SGO2: variants seen among roughly 807,000 people sequenced by gnomAD.
SGO2 encodes shugoshin-like 2.
In SGO2, 68 loss-of-function variants were observed where a neutral mutation model predicts 99.5. That is an observed-to-expected ratio of 0.68 (90% confidence interval 0.56 to 0.84). The LOEUF (loss-of-function observed/expected upper bound fraction) is 0.84, where lower values mean the gene tolerates loss of function less well. Ranked by LOEUF, SGO2 falls within the 40% of genes least tolerant of loss-of-function variation. The pLI, the probability that SGO2 is intolerant of heterozygous loss-of-function variation, is 0.00. For missense variants in SGO2, 1,350 were observed against 1,436.7 expected (o/e 0.94, Z 0.97); for synonymous variants, 457 against 487.1 (o/e 0.94, Z 0.81).
intron 4 of SGO2, among the ~76,000 whole-genome samples, chr2:200,538,773 T>C (rs2031822277): frequency 6.6e-6 from 1 of 152,206 alleles, no homozygotes; most frequent in African/African-American, 2.4e-5. Context: ...GATGATGATG[T>C]GGTCTTTTTA....
At chr2:200,548,111 C>G (rs1035860533) in intron 5 of SGO2, among the ~76,000 whole-genome samples, 10 of 147,976 alleles carry the variant, frequency 6.8e-5, no homozygotes, top group Non-Finnish European at 1.0e-4. Context: ...AACAAAGAAA[C>G]AGCATAAACT....
intron 5 of SGO2, among the ~76,000 whole-genome samples, chr2:200,545,142 G>A (rs139858720): frequency 5.9e-5 from 9 of 152,254 alleles, no homozygotes; most frequent in Non-Finnish European, 1.2e-4. Flanking sequence ...AAGTAGCTGG[G>A]ACTACAGGTG....
chr2:200,550,613 C>T (rs532131724), intron 5 of SGO2, among the ~76,000 whole-genome samples: 40 of 152,096 alleles, frequency 2.6e-4, no homozygotes, highest in Middle Eastern at 3.4e-3. Flanking sequence ...ATAAATAGTG[C>T]GGGAAAACTG....
chr2:200,537,976 T>A (rs2031769526), intron 4 of SGO2, among the ~76,000 whole-genome samples: 1 of 152,182 alleles, frequency 6.6e-6, no homozygotes, highest in African/African-American at 2.4e-5. Flanking sequence ...AAAATCAGTC[T>A]ACAATTCTAC....
At chr2:200,535,294 A>G in intron 3 of SGO2, 123 bp downstream of exon 3, 1 of 828,812 alleles carries the variant, frequency 1.2e-6, no homozygotes, top group South Asian at 2.3e-5. Flanking sequence ...AAGTCAGTAT[A>G]CCATGTAAGT....
intron 8 of SGO2, among the ~76,000 whole-genome samples, chr2:200,581,336 C>T (rs2033838746): frequency 6.6e-6 from 1 of 151,940 alleles, no homozygotes; most frequent in African/African-American, 2.4e-5. Flanking sequence ...CTACTGTGTC[C>T]TGTGTTTCCA....
Position 200,583,945 on chromosome 2 carries a change from C to T in SGO2, c.*481C>T, listed in dbSNP as rs1017060500. Among the ~76,000 whole-genome samples the T allele has an allele frequency of 6.6e-6, 1 of 152,156 alleles. No homozygotes were observed. Among genetic ancestry groups the T allele is most frequent in the African/African-American group, 2.4e-5 (1 of 41,412 alleles). On this transcript the variant is annotated 3_prime_UTR_variant, in exon 9 of 9. Transcript: ENST00000357799. Reference sequence around the variant, plus strand: ...GTTTTCAGAAATACATGTTGAATGTCAGCTTCTGTATTATTTCTATTATAT... The same window carrying T: ...GTTTTCAGAAATACATGTTGAATGTTAGCTTCTGTATTATTTCTATTATAT...
intron 5 of SGO2, among the ~76,000 whole-genome samples, chr2:200,566,267 C>A (rs1283168423): frequency 2.0e-5 from 3 of 151,986 alleles, no homozygotes; most frequent in African/African-American, 7.2e-5. Context: ...TGTCCTTTCT[C>A]TTTGTTAGTT....
intron 4 of SGO2, 128 bp from the exon 5 acceptor site, chr2:200,542,451 A>T: frequency 1.7e-6 from 1 of 590,364 alleles, no homozygotes; most frequent in Non-Finnish European, 2.9e-6. Flanking sequence ...TATTCTCATT[A>T]AATTATTAAA....
chr2:200,569,473 A>G (rs1034040153), intron 5 of SGO2, among the ~76,000 whole-genome samples, 190 bp from the exon 6 acceptor site: 1 of 152,090 alleles, frequency 6.6e-6, no homozygotes, highest in Non-Finnish European at 1.5e-5. Flanking sequence ...AGAAGCATTC[A>G]TGTTTCCTTC....
chr2:200,577,140 A>G (rs2033695271), intron 8 of SGO2, among the ~76,000 whole-genome samples: 1 of 151,928 alleles, frequency 6.6e-6, no homozygotes, highest in Admixed American at 6.6e-5. Flanking sequence ...ACCATTTTAC[A>G]TGCTTACCAA....
In SGO2 at chr2:200,569,788, C is replaced by T; in HGVS notation, c.599C>T (p.Thr200Ile). Residue 200 changes from threonine to isoleucine, a missense_variant, in exon 6 of 9, where the codon ACT becomes ATT. Transcript: ENST00000357799. ...SSGSTTQPLSTQDNSEVLFLK... is the reference protein window; with the variant it reads ...SSGSTTQPLSIQDNSEVLFLK... ...GGATCAACAACACAACCTTTATCAA[C>T]TCAGGATAATTCGGAAGTGTTATTT... 4 of 1,611,040 alleles carry T rather than the reference C, an allele frequency of 2.5e-6. No individual in the cohort carries two copies. The highest frequency in any genetic ancestry group is 3.4e-6 in the Non-Finnish European group (4 of 1,177,430).
chr2:200,528,985 A>G (rs2031234932), intron 1 of SGO2, among the ~76,000 whole-genome samples: 1 of 152,268 alleles, frequency 6.6e-6, no homozygotes, highest in East Asian at 1.9e-4. Context: ...TGACCACAGT[A>G]TTTGATTTAA....
rs781598636 is a variant in SGO2, at chr2:200,569,873, A to G, written c.684A>G (p.Ile228Met). ...ATGATTCAGAACATATTTCTTCTAT[A>G]GTTGATGTACCTCCCAGAGGTGAGA... Reference protein sequence around the residue: ...GLDDSEHISSIVDVPPRESHS... With the variant: ...GLDDSEHISSMVDVPPRESHS... Residue 228 changes from isoleucine to methionine, a missense_variant, in exon 6 of 9, where the codon ATA (isoleucine) becomes ATG (methionine). Transcript: ENST00000357799. 1.9e-6 allele frequency: 3 copies of G among 1,588,214 alleles called. No homozygotes were observed. The Admixed American group carries it at 5.0e-5, about 27-fold the overall frequency.
In SGO2 at chr2:200,543,789, G is replaced by A. The variant is rs545186072; in HGVS notation, c.473+1125G>A. On this transcript the variant is annotated intron_variant, in intron 5 of 8. Coordinates refer to ENST00000357799, the MANE Select transcript of SGO2 (RefSeq NM_152524.6). ...TCAAAAGTATGTTGTCATTATGCAC[G>A]TATTGTTTCATATAGATATGCAAAT... Among the ~76,000 whole-genome samples the A allele has an allele frequency of 4.6e-5, 7 of 152,266 alleles. No homozygotes were observed. The South Asian group carries it at 6.2e-4, about 14-fold the overall frequency.
chr2:200,576,573 C>CA (rs1376574954), intron 8 of SGO2, among the ~76,000 whole-genome samples: 1 of 150,738 alleles, frequency 6.6e-6, no homozygotes, highest in African/African-American at 2.4e-5. Context: ...GAAACTGTCT[C>CA]AAAAAAGAAA....
intron 1 of SGO2, chr2:200,532,499 T>C: frequency 1.1e-6 from 1 of 939,230 alleles, no homozygotes; most frequent in Non-Finnish European, 1.3e-6. Flanking sequence ...AATGTAATGA[T>C]TTCTTTATCT....
intron 4 of SGO2, among the ~76,000 whole-genome samples, chr2:200,538,269 A>C (rs1448509930): frequency 6.6e-6 from 1 of 152,030 alleles, no homozygotes; most frequent in Non-Finnish European, 1.5e-5. Flanking sequence ...TCCACTCCTT[A>C]ACCTTTTCAG....
chr2:200,553,457 C>T (rs2032577690), intron 5 of SGO2, among the ~76,000 whole-genome samples: 1 of 152,118 alleles, frequency 6.6e-6, no homozygotes, highest in African/African-American at 2.4e-5. Flanking sequence ...CTGATGGGTT[C>T]ACAGGAATAA....
Sources: allele counts gnomAD v4.1 joint callset (sites outside exome capture counted in the v4.1 genomes callset), GRCh38; gene constraint gnomAD v4.1.1; transcripts MANE v1.5; gene names NCBI Gene and HGNC (gene_info 2026-07-23, HGNC 2026-07-21).